SSH1: variants seen among roughly 807,000 people sequenced by gnomAD.
The protein encoded by SSH1 is protein phosphatase Slingshot homolog 1.
SSH1 carries 43 observed loss-of-function variants against 79.7 expected under a neutral mutation model. That is an observed-to-expected ratio of 0.54 (90% CI 0.42 to 0.70). SSH1 has a LOEUF of 0.70. SSH1 is among the 30% of genes least tolerant of loss of function. SSH1 has a pLI of 0.00. For missense variants in SSH1, 1,206 were observed against 1,358.8 expected (o/e 0.89, Z 1.77); for synonymous variants, 599 against 538.3 (o/e 1.11, Z -1.56).
intron 2 of SSH1, among the ~76,000 whole-genome samples, chr12:108,850,664 G>C (rs535469924): frequency 1.1e-5 from 1 of 91,886 alleles, no homozygotes; most frequent in Non-Finnish European, 2.2e-5. Flanking sequence ...GGATTGGGGA[G>C]GGATGGTTAG....
chr12:108,789,072 G>A lies in SSH1; in HGVS notation c.2066C>T (p.Ser689Phe). ...QPAFLPHITS[S>F]PVAHLASRSR... ...CCTGCTGGCCAAGTGGGCCACAGGG[G>A]AGGACGTGATGTGGGGTAGGAAGGC... The change falls in exon 15 of 15, where the codon TCC (serine) becomes TTC (phenylalanine). Residue 689 changes from serine to phenylalanine, a missense_variant. Ser to Phe is a radical substitution (Grantham distance 155). Transcript: ENST00000326495. The A allele has an allele frequency of 1.2e-6, 2 of 1,613,022 alleles. No individual in the cohort carries two copies. Among genetic ancestry groups the A allele is most frequent in the East Asian group, 2.2e-5 (1 of 44,846 alleles).
At chr12:108,800,052 T>G (rs2036922121) in intron 12 of SSH1, among the ~76,000 whole-genome samples, 1 of 151,854 alleles carries the variant, frequency 6.6e-6, no homozygotes, top group Non-Finnish European at 1.5e-5. Context: ...GTCAAGGGAG[T>G]CTTGAGTTTG....
intron 2 of SSH1, among the ~76,000 whole-genome samples, chr12:108,827,927 T>C (rs1200223968): frequency 3.3e-5 from 5 of 152,178 alleles, no homozygotes; most frequent in Non-Finnish European, 7.4e-5. Flanking sequence ...GGGGACCACA[T>C]GCACACCTAT....
intron 6 of SSH1, 27 bp downstream of exon 6, chr12:108,811,233 G>C (rs761530059): frequency 1.9e-6 from 3 of 1,610,288 alleles, no homozygotes; most frequent in African/African-American, 2.7e-5. Context: ...CATACAGTGA[G>C]AGAATCTTTT....
chr12:108,856,226 G>A (rs919241314), intron 1 of SSH1, among the ~76,000 whole-genome samples: 7 of 152,258 alleles, frequency 4.6e-5, no homozygotes, highest in African/African-American at 1.7e-4. Context: ...GGTTCTTCAA[G>A]AGATGGTGGG....
intron 5 of SSH1, among the ~76,000 whole-genome samples, chr12:108,812,677 G>C (rs1455652016): frequency 1.3e-5 from 2 of 152,236 alleles, no homozygotes; most frequent in Non-Finnish European, 2.9e-5. Context: ...GCCCACAGGG[G>C]ACTTCTGCTC....
At chr12:108,818,190 C>CGG in intron 4 of SSH1, 59 bp downstream of exon 4, 3 of 1,293,494 alleles carry the variant, frequency 2.3e-6, no homozygotes, top group Non-Finnish European at 3.4e-6. Flanking sequence ...AGAGCAAGAC[C>CGG]CTCATCTCAC....
intron 2 of SSH1, among the ~76,000 whole-genome samples, chr12:108,852,238 CTTTTT>C (rs372321306): frequency 7.3e-6 from 1 of 137,062 alleles, no homozygotes; most frequent in Non-Finnish European, 1.6e-5. Flanking sequence ...TTGGCATATT[CTTTTT>C]TTTTTTTTTT....
Position 108,787,837 on chromosome 12 carries a change from C to T in SSH1, c.*151G>A. The T allele has an allele frequency of 2.0e-6, 2 of 1,011,700 alleles. No homozygotes were observed. Among genetic ancestry groups the T allele is most frequent in the East Asian group, 5.2e-5 (2 of 38,206 alleles). The allele number at this position is 1,011,700 out of a possible 1,614,324, so 62.7% of individuals were successfully genotyped here. A position where few individuals can be genotyped will look rare whatever the true frequency, so the allele number is the denominator to read the frequency against. On this transcript the variant is annotated 3_prime_UTR_variant, in exon 15 of 15. Transcript: ENST00000326495. The stretch of plus-strand genomic sequence containing the variant: ...GCTGCATGTTGGTTAGTTTCTTCTC[C>T]TCCTCTCTATGGCAAGAGTAGGGGA...
At chr12:108,853,818 G>T (rs1248397532) in intron 1 of SSH1, among the ~76,000 whole-genome samples, 3 of 152,076 alleles carry the variant, frequency 2.0e-5, no homozygotes, top group African/African-American at 7.2e-5. Context: ...CAGCTACCTG[G>T]GAGGCTGAGG....
chr12:108,853,144 T>C (rs573571347), intron 1 of SSH1: 1 of 985,296 alleles, frequency 1.0e-6, no homozygotes, highest in Non-Finnish European at 1.2e-6. Context: ...ACTTGCACAG[T>C]GGAAGGTGGC....
At chr12:108,817,980 A>C (rs1321890537) in intron 4 of SSH1, among the ~76,000 whole-genome samples, 1 of 152,212 alleles carries the variant, frequency 6.6e-6, no homozygotes, top group African/African-American at 2.4e-5. Context: ...CAGGAGAATC[A>C]TTTGAGGCCA....
chr12:108,823,610 C>A (rs985976924), intron 2 of SSH1, among the ~76,000 whole-genome samples: 2 of 152,116 alleles, frequency 1.3e-5, no homozygotes, highest in Non-Finnish European at 1.5e-5. Context: ...TACATAGGCT[C>A]TCCAGGGCCC....
In SSH1 at chr12:108,788,637, C is replaced by G. The variant is rs771705679; in HGVS notation, c.2501G>C (p.Ser834Thr). The change falls in exon 15 of 15, where the codon AGC becomes ACC. Residue 834 changes from serine (S) to threonine (T), a missense_variant. This residue lies in a region of SSH1 where 709 missense variants were observed against 730.6 expected (regional missense o/e 0.97). Transcript: ENST00000326495. Reference sequence around the variant, plus strand: ...GGGAGGTGCTGGGTCTGCAGGCACGCTCTTCAGCCGCTCTAGCTCTTTGGT... The same window carrying G: ...GGGAGGTGCTGGGTCTGCAGGCACGGTCTTCAGCCGCTCTAGCTCTTTGGT... ...KHTKELERLKSVPADPAPPSR... is the reference protein window; with the variant it reads ...KHTKELERLKTVPADPAPPSR... The G allele has an allele frequency of 2.5e-6, 4 of 1,613,408 alleles. No individual in the cohort carries two copies. Among genetic ancestry groups the G allele is most frequent in the Non-Finnish European group, 3.4e-6 (4 of 1,179,592 alleles).
intron 2 of SSH1, among the ~76,000 whole-genome samples, chr12:108,851,230 C>G (rs757198626): frequency 6.6e-6 from 1 of 152,208 alleles, no homozygotes; most frequent in Non-Finnish European, 1.5e-5. Flanking sequence ...TCCCTACCCA[C>G]ATAATCTTTA....
chr12:108,812,952 T>G (rs2137121572), intron 5 of SSH1, among the ~76,000 whole-genome samples: 2 of 151,032 alleles, frequency 1.3e-5, no homozygotes, highest in Middle Eastern at 6.8e-3. Context: ...AGCCTCGACC[T>G]CCAGGGCCTA....
In SSH1 at chr12:108,792,380, C is replaced by A. The variant is rs201037686; in HGVS notation, c.1799G>T (p.Arg600Met). The change falls in exon 14 of 15, where the codon AGG becomes ATG. Residue 600 changes from arginine (R) to methionine (M), a missense_variant. Physicochemically the swap from Arg to Met is moderately conservative, Grantham distance 91. Around this residue, in one of 5 missense-constraint regions of SSH1, gnomAD observed 709 missense variants for 730.6 expected, o/e 0.97. Transcript: ENST00000326495. ...GAGCTGGGTTGGAAGCTGCCCCCAC[C>A]TCCCTGCTCCCAGGCCCTCCTCCCT... Reference protein sequence around the residue: ...TEREEGLGAGRWGQLPTQLDQ... With the variant: ...TEREEGLGAGMWGQLPTQLDQ... The A allele has an allele frequency of 6.2e-7, 1 of 1,614,212 alleles. No individual in the cohort carries two copies. Among genetic ancestry groups the A allele is most frequent in the Non-Finnish European group, 8.5e-7 (1 of 1,180,034 alleles).
chr12:108,814,092 T>C (rs2137131804), intron 5 of SSH1, among the ~76,000 whole-genome samples: 1 of 152,062 alleles, frequency 6.6e-6, no homozygotes, highest in Middle Eastern at 3.4e-3. Flanking sequence ...GGCATGGTGG[T>C]GCATGCCTGT....
At position 108,802,193 on chromosome 12, in the gene SSH1, GCA is replaced by G. The variant is rs932880826; in HGVS notation, c.1001+127_1001+128del. ...GTTTAGCTATGCACATCAACCCCTGGCAGCCACTTCAGAGACCAGGGTGCAGG... is the reference window on the plus strand; with the variant it reads ...GTTTAGCTATGCACATCAACCCCTGGGCCACTTCAGAGACCAGGGTGCAGG... On this transcript the variant is annotated intron_variant, in intron 11 of 14. Transcript: ENST00000326495. The G allele has an allele frequency of 3.9e-6, 3 of 766,114 alleles. No individual in the cohort carries two copies. In the African/African-American group the frequency reaches 5.1e-5, roughly 13 times the overall value. 47.5% of individuals were successfully genotyped at this position (766,114 alleles called of 1,614,324 possible).
Sources: gnomAD v4.1 joint callset for allele counts (sites outside exome capture counted in the v4.1 genomes callset) on GRCh38, gnomAD v4.1.1 for gene constraint, gnomAD v4.1.1 regional missense constraint, MANE v1.5 for transcripts, NCBI Gene and HGNC (gene_info 2026-07-23, HGNC 2026-07-21) for gene names.